SDK1: variants seen among roughly 807,000 people sequenced by gnomAD.
The protein encoded by SDK1 is sidekick cell adhesion molecule 1, also known as protein sidekick-1.
SDK1 carries 157 observed loss-of-function variants against 245.5 expected under a neutral mutation model. That is an observed-to-expected ratio of 0.64 (90% CI 0.56 to 0.73). The LOEUF (loss-of-function observed/expected upper bound fraction) is 0.73, where lower values mean the gene tolerates loss of function less well. SDK1 is among the 30% of genes least tolerant of loss of function. SDK1 has a pLI of 0.00. For synonymous variants in SDK1, 1,647 were observed against 1,278.5 expected (o/e 1.29, Z -6.15); for missense variants, 3,583 against 3,002.3 (o/e 1.19, Z -4.52).
At chr7:3,999,448 G>T (rs912921953) in intron 14 of SDK1, among the ~76,000 whole-genome samples, 1 of 152,230 alleles carries the variant, frequency 6.6e-6, no homozygotes, top group African/African-American at 2.4e-5. Flanking sequence ...GTGGATCTGA[G>T]GATCAAGACC....
intron 35 of SDK1, among the ~76,000 whole-genome samples, chr7:4,191,837 G>T (rs1415281096): frequency 6.6e-6 from 1 of 152,244 alleles, no homozygotes; most frequent in African/African-American, 2.4e-5. Context: ...CACAGGTGTG[G>T]CCGGGCAGAC....
At chr7:3,823,460 C>G (rs12539695) in intron 5 of SDK1, among the ~76,000 whole-genome samples, 25,703 of 152,096 alleles carry the variant, frequency 0.17, 2,314 homozygotes, top group Middle Eastern at 0.34. Flanking sequence ...ACAGTCCGTA[C>G]CTAGTACTTG....
At chr7:3,639,905 A>G (rs1166739502) in intron 3 of SDK1, among the ~76,000 whole-genome samples, 2 of 152,148 alleles carry the variant, frequency 1.3e-5, no homozygotes, top group Non-Finnish European at 2.9e-5. Context: ...GCTGGAGTGC[A>G]GTGGCACAAA....
rs374950230 is a variant in SDK1, at chr7:3,885,075, G to C, written c.847+63492G>C. ...CTGCCAATAGCCCCTGGGGACTATG[G>C]CTAAGGGGTCAGGTGCACCTGAGCC... On this transcript the variant is annotated intron_variant, in intron 5 of 44. Coordinates refer to ENST00000404826, the MANE Select transcript of SDK1 (RefSeq NM_152744.4). Among the ~76,000 whole-genome samples the C allele has an allele frequency of 5.9e-5, 9 of 152,254 alleles. No homozygotes were observed. The East Asian group carries it at 1.7e-3, about 29-fold the overall frequency.
chr7:3,360,693 C>T (rs1258950244), intron 1 of SDK1, among the ~76,000 whole-genome samples: 2 of 152,058 alleles, frequency 1.3e-5, no homozygotes, highest in Admixed American at 1.3e-4. Flanking sequence ...TGTCACTATC[C>T]CAACCACCTG....
chr7:3,335,754 T>C (rs1272002747), intron 1 of SDK1, among the ~76,000 whole-genome samples: 2 of 141,118 alleles, frequency 1.4e-5, no homozygotes, highest in Non-Finnish European at 3.0e-5. Flanking sequence ...CCAGTGGGAG[T>C]CAGGAAAGGA....
intron 2 of SDK1, among the ~76,000 whole-genome samples, chr7:3,633,438 G>C (rs924531609): frequency 7.2e-5 from 11 of 152,060 alleles, no homozygotes; most frequent in African/African-American, 2.7e-4. Context: ...AAGGACTGCT[G>C]AACAGTATTC....
At chr7:3,931,154 G>C (rs1011392445) in intron 5 of SDK1, among the ~76,000 whole-genome samples, 1 of 152,148 alleles carries the variant, frequency 6.6e-6, no homozygotes, top group Non-Finnish European at 1.5e-5. Flanking sequence ...CTAACCAGAG[G>C]GGCACCCCAT....
At chr7:3,741,312 A>G (rs1435431604) in intron 4 of SDK1, among the ~76,000 whole-genome samples, 2 of 152,192 alleles carry the variant, frequency 1.3e-5, no homozygotes, top group African/African-American at 4.8e-5. Flanking sequence ...TCACTGGCAC[A>G]CTAAGCAGGA....
intron 1 of SDK1, among the ~76,000 whole-genome samples, chr7:3,346,554 C>T (rs929474796): frequency 2.0e-5 from 3 of 151,442 alleles, no homozygotes; most frequent in African/African-American, 7.3e-5. Context: ...CACTCTGTCA[C>T]CCAGGCTGGA....
intron 14 of SDK1, among the ~76,000 whole-genome samples, chr7:4,007,229 G>A (rs1785549976): frequency 6.6e-6 from 1 of 152,204 alleles, no homozygotes; most frequent in African/African-American, 2.4e-5. Context: ...TGCGGGTGGA[G>A]GGGAACCACT....
chr7:3,615,590 T>C (rs1781740911), intron 1 of SDK1, among the ~76,000 whole-genome samples: 1 of 151,740 alleles, frequency 6.6e-6, no homozygotes, highest in Non-Finnish European at 1.5e-5. Context: ...TTCTCAATGC[T>C]GATTACAGAG....
intron 1 of SDK1, among the ~76,000 whole-genome samples, chr7:3,466,451 T>A (rs1028867270): frequency 1.4e-5 from 2 of 146,892 alleles, no homozygotes; most frequent in Non-Finnish European, 3.0e-5. Context: ...CACCACATTT[T>A]TATCTAGTAT....
intron 1 of SDK1, among the ~76,000 whole-genome samples, chr7:3,508,817 C>A (rs1782480338): frequency 6.6e-6 from 1 of 152,110 alleles, no homozygotes; most frequent in Non-Finnish European, 1.5e-5. Context: ...TCTTTGAAGG[C>A]AGGAATGGCT....
intron 44 of SDK1, among the ~76,000 whole-genome samples, chr7:4,247,664 G>T (rs187150896): frequency 1.5e-4 from 23 of 152,202 alleles, no homozygotes; most frequent in African/African-American, 5.6e-4. Context: ...TCATAGCTGT[G>T]GGTGGTTCCT....
intron 4 of SDK1, among the ~76,000 whole-genome samples, chr7:3,723,907 T>A (rs1360020059): frequency 8.0e-6 from 1 of 125,678 alleles, no homozygotes; most frequent in African/African-American, 3.5e-5. Flanking sequence ...TATATACACG[T>A]ACATATATAT....
intron 1 of SDK1, among the ~76,000 whole-genome samples, chr7:3,314,281 G>GATC (rs961161671): frequency 5.1e-4 from 77 of 152,340 alleles, no homozygotes; most frequent in African/African-American, 1.8e-3. Context: ...CCAACACCTA[G>GATC]ATCAGAACAG....
chr7:4,215,881 T>G (rs1289271153), intron 38 of SDK1, among the ~76,000 whole-genome samples: 1 of 152,074 alleles, frequency 6.6e-6, no homozygotes, highest in Non-Finnish European at 1.5e-5. Flanking sequence ...TCCTATGAGG[T>G]AAGCGCTGCC....
chr7:4,217,912 A>C (rs191820201), intron 38 of SDK1, among the ~76,000 whole-genome samples: 1 of 152,298 alleles, frequency 6.6e-6, no homozygotes, highest in Non-Finnish European at 1.5e-5. Flanking sequence ...GGGAGAAGGA[A>C]GGCATTTTTA....
Sources: gnomAD v4.1 joint callset for allele counts (sites outside exome capture counted in the v4.1 genomes callset) on GRCh38, gnomAD v4.1.1 for gene constraint, MANE v1.5 for transcripts, NCBI Gene and HGNC (gene_info 2026-07-23, HGNC 2026-07-21) for gene names.